The following TRIM9 variants were observed in gnomAD, a reference collection of about 807,000 sequenced individuals.
The protein encoded by TRIM9 is tripartite motif containing 9.
Under a neutral mutation model 78.3 loss-of-function variants are expected in TRIM9, and 26 were observed. The observed-to-expected ratio is 0.33, with a 90% confidence interval of 0.24 to 0.46. The LOEUF is 0.46. TRIM9 is among the 20% of genes least tolerant of loss of function. TRIM9 has a pLI of 1.00. For missense variants in TRIM9, 787 were observed against 1,036.4 expected (o/e 0.76, Z 3.30); for synonymous variants, 398 against 416.5 (o/e 0.96, Z 0.54).
intron 7 of TRIM9, among the ~76,000 whole-genome samples, chr14:50,989,228 A>C (rs2053160978): frequency 2.0e-5 from 3 of 152,260 alleles, no homozygotes; most frequent in Non-Finnish European, 2.9e-5. Context: ...AATCAAAGAC[A>C]ATATGACAAC....
chr14:51,094,947 G>A lies in TRIM9; in HGVS notation c.-8C>T, dbSNP rs1383600697. ...CTCTTCCATCTCCTCCATGGGGACC[G>A]GTCTGGGAGGAGACAGCGACGGCTG... On this transcript the variant is annotated 5_prime_UTR_variant, in exon 1 of 13. Coordinates refer to ENST00000684578, the MANE Select transcript of TRIM9 (RefSeq NM_001387360.1). 1.4e-6 allele frequency: 2 copies of A among 1,442,256 alleles called. No individual in the cohort carries two copies. Among genetic ancestry groups the A allele is most frequent in the Non-Finnish European group, 1.8e-6 (2 of 1,095,478 alleles). 89.3% of individuals were successfully genotyped at this position (1,442,256 alleles called of 1,614,324 possible).
At chr14:51,077,103 T>C (rs1226306899) in intron 1 of TRIM9, among the ~76,000 whole-genome samples, 1 of 152,242 alleles carries the variant, frequency 6.6e-6, no homozygotes, top group Non-Finnish European at 1.5e-5. Context: ...TTATTGTCCA[T>C]TAACTTGAAT....
At chr14:51,018,044 G>T (rs2139718259) in intron 3 of TRIM9, among the ~76,000 whole-genome samples, 1 of 152,278 alleles carries the variant, frequency 6.6e-6, no homozygotes, top group East Asian at 1.9e-4. Flanking sequence ...ATTAGAATTG[G>T]CTTCTACAGA....
At chr14:51,002,115 G>A (rs1468855379) in intron 5 of TRIM9, among the ~76,000 whole-genome samples, 3 of 152,048 alleles carry the variant, frequency 2.0e-5, no homozygotes, top group Non-Finnish European at 4.4e-5. Context: ...TTGTGTGTGT[G>A]TGTGTGTGTG....
chr14:51,075,030 A>G (rs184430138), intron 1 of TRIM9, among the ~76,000 whole-genome samples: 62 of 152,372 alleles, frequency 4.1e-4, no homozygotes, highest in Admixed American at 4.1e-3. Flanking sequence ...GACTCTTGTC[A>G]GGAACTGAGT....
At position 51,010,819 on chromosome 14, in the gene TRIM9, C is replaced by T. The variant is rs118131267; in HGVS notation, c.1042-325G>A. ...CCTGCACTTTTCTGTGAAGCTGACT[C>T]TGCTGAGCGATGTTTGCTGGGGGGT... is the stretch of plus-strand genomic sequence containing the variant. On this transcript the variant is annotated intron_variant, in intron 3 of 12. Transcript: ENST00000684578. Among the ~76,000 whole-genome samples, 1,469 of 152,294 alleles carry T rather than the reference C, an allele frequency of 9.6e-3. 12 individuals carry two copies. The highest frequency in any genetic ancestry group is 0.015 in the Non-Finnish European group (1,027 of 68,034).
intron 7 of TRIM9, among the ~76,000 whole-genome samples, chr14:50,989,804 A>T (rs2053250608): frequency 6.6e-6 from 1 of 152,180 alleles, no homozygotes; most frequent in Non-Finnish European, 1.5e-5. Flanking sequence ...GTCAATGACC[A>T]TCATTTTCCT....
chr14:50,978,767 T>TG, intron 12 of TRIM9: 486 of 341,216 alleles, frequency 1.4e-3, no homozygotes, highest in East Asian at 1.8e-3. Flanking sequence ...TGTTTTTTTG[T>TG]TTTTTTTTTT....
At chr14:51,036,762 CT>C (rs1344143083) in intron 1 of TRIM9, among the ~76,000 whole-genome samples, 5 of 152,190 alleles carry the variant, frequency 3.3e-5, no homozygotes, top group African/African-American at 7.2e-5. Context: ...TATCCTCTCT[CT>C]CACTCTCTGG....
chr14:50,987,318 G>T (rs187344782), intron 7 of TRIM9, among the ~76,000 whole-genome samples: 8 of 152,220 alleles, frequency 5.3e-5, no homozygotes, highest in African/African-American at 1.7e-4. Flanking sequence ...TGGAGCACGT[G>T]TGTGTGCAGA....
At chr14:51,038,331 G>A (rs149527864) in intron 1 of TRIM9, among the ~76,000 whole-genome samples, 1 of 152,266 alleles carries the variant, frequency 6.6e-6, no homozygotes, top group African/African-American at 2.4e-5. Context: ...CTGACCTACA[G>A]GAGTGCAAGG....
intron 1 of TRIM9, among the ~76,000 whole-genome samples, chr14:51,086,539 T>G (rs1479009734): frequency 6.6e-6 from 1 of 152,228 alleles, no homozygotes; most frequent in African/African-American, 2.4e-5. Flanking sequence ...TGAACCAACC[T>G]TTATCTAACT....
At chr14:51,029,892 C>T (rs929106840) in intron 1 of TRIM9, among the ~76,000 whole-genome samples, 1 of 152,188 alleles carries the variant, frequency 6.6e-6, no homozygotes. Context: ...CTCACCCTCA[C>T]AGGCCAAAAC....
At chr14:51,028,815 A>C (rs190380214) in intron 1 of TRIM9, among the ~76,000 whole-genome samples, 43 of 152,268 alleles carry the variant, frequency 2.8e-4, no homozygotes, top group African/African-American at 1.0e-3. Flanking sequence ...GCTGAGAATC[A>C]CCGAGGTCTC....
chr14:51,004,785 G>A (rs2055540902), intron 5 of TRIM9, among the ~76,000 whole-genome samples: 1 of 152,346 alleles, frequency 6.6e-6, no homozygotes, highest in East Asian at 1.9e-4. Context: ...TCCAGAGGCT[G>A]TGTGCTTAGC....
chr14:50,983,388 G>A lies in TRIM9; in HGVS notation c.1826C>T (p.Ser609Phe), dbSNP rs201448581. 6.2e-5 allele frequency: 96 copies of A among 1,542,514 alleles called. No homozygotes were observed. Among genetic ancestry groups the A allele is most frequent in the Non-Finnish European group, 8.0e-5 (91 of 1,141,998 alleles). The stretch of plus-strand genomic sequence containing the variant: ...ACAATAGGTATACTTGCCTAATTGA[G>A]AGTAAGGTGCAGATTGTGTCTCAAA... Reference protein sequence around the residue: ...CNFETQSAPYSQLVDIKKLLA... With the variant: ...CNFETQSAPYFQLVDIKKLLA... Residue 609 changes from serine (S) to phenylalanine (F), a missense_variant, in exon 9 of 13, where the codon TCT (serine) becomes TTT (phenylalanine). Physicochemically the swap from Ser to Phe is radical, Grantham distance 155. This residue lies in a region of TRIM9 where 421 missense variants were observed against 514.3 expected (regional missense o/e 0.82). Transcript: ENST00000684578.
chr14:51,084,874 C>T (rs1332848819), intron 1 of TRIM9, among the ~76,000 whole-genome samples: 1 of 152,146 alleles, frequency 6.6e-6, no homozygotes, highest in African/African-American at 2.4e-5. Context: ...AGTAATTTGG[C>T]TTTGGATGAG....
At chr14:51,078,552 C>T (rs1203366226) in intron 1 of TRIM9, among the ~76,000 whole-genome samples, 6 of 152,122 alleles carry the variant, frequency 3.9e-5, no homozygotes, top group Non-Finnish European at 8.8e-5. Flanking sequence ...CCACTTGCCA[C>T]AACGTGGGTT....
intron 1 of TRIM9, among the ~76,000 whole-genome samples, chr14:51,074,986 C>G (rs1390833085): frequency 6.6e-6 from 1 of 152,224 alleles, no homozygotes; most frequent in Non-Finnish European, 1.5e-5. Flanking sequence ...CACAAAGGCA[C>G]AAGCAACAGG....
Sources: gnomAD v4.1 joint callset for allele counts (sites outside exome capture counted in the v4.1 genomes callset) on GRCh38, gnomAD v4.1.1 for gene constraint, gnomAD v4.1.1 regional missense constraint, MANE v1.5 for transcripts, NCBI Gene and HGNC (gene_info 2026-07-23, HGNC 2026-07-21) for gene names.